The following LHX8 variants were observed in gnomAD, a reference collection of about 807,000 sequenced individuals.
LHX8 encodes the protein LIM/homeobox protein Lhx8.
LHX8 carries 12 observed loss-of-function variants against 40.3 expected under a neutral mutation model. That is an observed-to-expected ratio of 0.30 (90% CI 0.19 to 0.48). The LOEUF (loss-of-function observed/expected upper bound fraction) is 0.48. Among genes scored for constraint, LHX8 ranks in the 20% least tolerant of loss-of-function variants. The pLI is 0.99. For missense variants in LHX8, 344 were observed against 433.7 expected (o/e 0.79, Z 1.84); for synonymous variants, 179 against 162.0 (o/e 1.10, Z -0.80).
chr1:75,177,026 G>T, the LHX8 span, among the ~76,000 whole-genome samples: 1 of 152,012 alleles, frequency 6.6e-6, no homozygotes, highest in Admixed American at 6.6e-5. Flanking sequence ...CTGTTCCATT[G>T]GTCTATATCT....
intron 7 of LHX8, among the ~76,000 whole-genome samples, chr1:75,153,495 C>G (rs1194903249): frequency 7.1e-6 from 1 of 140,230 alleles, no homozygotes; most frequent in African/African-American, 2.8e-5. Context: ...TCACTGCAAC[C>G]TCTGCCTCCT....
chr1:75,145,771 T>C (rs2100344490), intron 6 of LHX8, among the ~76,000 whole-genome samples: 1 of 152,280 alleles, frequency 6.6e-6, no homozygotes, highest in Admixed American at 6.5e-5. Context: ...AGAGTGAGAT[T>C]TTGAATCTTG....
chr1:75,191,733 A>G, the LHX8 span, among the ~76,000 whole-genome samples: 1 of 152,244 alleles, frequency 6.6e-6, no homozygotes, highest in Non-Finnish European at 1.5e-5. Flanking sequence ...GAAATGACCT[A>G]AAGATAATGG....
intron 1 of LHX8, among the ~76,000 whole-genome samples, chr1:75,128,828 C>T (rs555823327): frequency 6.6e-6 from 1 of 152,180 alleles, no homozygotes; most frequent in East Asian, 1.9e-4. Flanking sequence ...CATTGTGCAT[C>T]CTTGGGCCTA....
At chr1:75,194,768 A>C in the LHX8 span, among the ~76,000 whole-genome samples, 1 of 152,208 alleles carries the variant, frequency 6.6e-6, no homozygotes, top group Non-Finnish European at 1.5e-5. Context: ...AAGTGTTGAC[A>C]TGGCATCCTT....
chr1:75,158,884 A>G (rs1648840320), intron 8 of LHX8, among the ~76,000 whole-genome samples: 1 of 152,190 alleles, frequency 6.6e-6, no homozygotes, highest in African/African-American at 2.4e-5. Context: ...AGGGAAAACA[A>G]TTAAGATTTT....
intron 8 of LHX8, among the ~76,000 whole-genome samples, chr1:75,157,564 T>C (rs1006471929): frequency 6.6e-6 from 1 of 152,204 alleles, no homozygotes; most frequent in Non-Finnish European, 1.5e-5. Context: ...GCAGATATAA[T>C]TAGCATTTCA....
At chr1:75,131,900 A>G (rs1299933068), upstream of LHX8, 1 of 152,136 alleles carries the variant, frequency 6.6e-6, no homozygotes, top group East Asian at 1.9e-4. Flanking sequence ...CTGATTTTCA[A>G]ATTTTCAATT....
At chr1:75,153,431 G>A (rs529033933) in intron 7 of LHX8, among the ~76,000 whole-genome samples, 32 of 149,768 alleles carry the variant, frequency 2.1e-4, no homozygotes, top group Non-Finnish European at 4.1e-4. Context: ...TTTGTTTTTT[G>A]AGATGGAGTC....
chr1:75,136,383 G>T (rs1452185138), intron 1 of LHX8, among the ~76,000 whole-genome samples: 1 of 151,816 alleles, frequency 6.6e-6, no homozygotes, highest in Non-Finnish European at 1.5e-5. Context: ...AGCGCGGGAC[G>T]AGCTACCAGC....
At chr1:75,149,093 A>C (rs1648538762) in intron 7 of LHX8, among the ~76,000 whole-genome samples, 1 of 152,206 alleles carries the variant, frequency 6.6e-6, no homozygotes, top group African/African-American at 2.4e-5. Flanking sequence ...TAAGATCCTC[A>C]GGCTAAACAT....
chr1:75,131,055 C>T, upstream of LHX8: 1 of 435,212 alleles, frequency 2.3e-6, no homozygotes, highest in Non-Finnish European at 4.3e-6. Context: ...GGGCCGCGGG[C>T]CAGGGAAAGC....
downstream of LHX8, among the ~76,000 whole-genome samples, chr1:75,163,231 TTAGA>T (rs759732205): frequency 6.6e-4 from 100 of 152,318 alleles, no homozygotes; most frequent in Non-Finnish European, 1.2e-3. Flanking sequence ...ATAAACATTG[TTAGA>T]TAGAATCACA....
At chr1:75,172,968 G>A in the LHX8 span, among the ~76,000 whole-genome samples, 1 of 152,064 alleles carries the variant, frequency 6.6e-6, no homozygotes, top group African/African-American at 2.4e-5. Context: ...CTCTCAGCTG[G>A]AAACCCTAAT....
chr1:75,151,618 G>A (rs568132434), intron 7 of LHX8, among the ~76,000 whole-genome samples: 7 of 152,276 alleles, frequency 4.6e-5, no homozygotes, highest in South Asian at 4.2e-4. Flanking sequence ...CAAATGGCAC[G>A]GACTACCAAG....
intron 1 of LHX8, among the ~76,000 whole-genome samples, chr1:75,129,118 G>A (rs1481813671): frequency 1.3e-5 from 2 of 152,208 alleles, no homozygotes; most frequent in Non-Finnish European, 2.9e-5. Flanking sequence ...GATTTTTTAT[G>A]ACAATTTCCA....
At chr1:75,172,938 C>G in the LHX8 span, among the ~76,000 whole-genome samples, 1 of 152,168 alleles carries the variant, frequency 6.6e-6, no homozygotes, top group Non-Finnish European at 1.5e-5. Flanking sequence ...ATGACACTAC[C>G]TGCTTGTACC....
intron 2 of LHX8, 110 bp from the exon 3 acceptor site, chr1:75,136,990 G>A: frequency 6.5e-6 from 8 of 1,223,962 alleles, no homozygotes; most frequent in Non-Finnish European, 8.9e-6. Context: ...GGGGTGGGGT[G>A]GGGTGGCCAG....
the LHX8 span, among the ~76,000 whole-genome samples, chr1:75,184,777 C>A: frequency 6.7e-6 from 1 of 148,416 alleles, no homozygotes; most frequent in African/African-American, 2.5e-5. Context: ...AACTGGAGAC[C>A]AAGACACAAA....
Sources: allele counts gnomAD v4.1 joint callset (sites outside exome capture counted in the v4.1 genomes callset), GRCh38; gene constraint gnomAD v4.1.1; transcripts MANE v1.5; gene names NCBI Gene and HGNC (gene_info 2026-07-23, HGNC 2026-07-21).